EPM2A: variants seen among roughly 807,000 people sequenced by gnomAD.
EPM2A encodes the protein EPM2A glucan phosphatase, laforin, also known as laforin.
Under a neutral mutation model 26.5 loss-of-function variants are expected in EPM2A, and 21 were observed. The ratio of observed to expected loss-of-function variants is 0.79; its 90% CI spans 0.56 to 1.14. The LOEUF (loss-of-function observed/expected upper bound fraction) is 1.14. EPM2A is among the 50% of genes most tolerant of loss of function. EPM2A has a pLI of 0.00. For synonymous variants in EPM2A, 217 were observed against 177.6 expected (o/e 1.22, Z -1.76); for missense variants, 458 against 440.8 (o/e 1.04, Z -0.35).
rs967447743 is a variant in EPM2A, at chr6:145,443,208, T to C, written c.556-59111A>G. ...TTTCTGTTTAGGATTTCTTTGGCTA[T>C]TCAGTCTCTTTTCTGGTTCCATATG... On this transcript the variant is annotated intron_variant, in intron 4 of 4. Transcript: ENST00000638717. 3.6e-4 allele frequency among the ~76,000 whole-genome samples: 55 copies of C among 152,238 alleles called. 2 individuals are homozygous for C.
At chr6:145,425,116 C>CCCTTCCTTCCTTCCTTCCCT (rs1778836638) in intron 4 of EPM2A, among the ~76,000 whole-genome samples, 3 of 131,846 alleles carry the variant, frequency 2.3e-5, no homozygotes, top group Non-Finnish European at 4.9e-5. Flanking sequence ...ATGTAAGTCT[C>CCCTTCCTTCCTTCCTTCCCT]CCTTCCTTCC....
intron 4 of EPM2A, among the ~76,000 whole-genome samples, chr6:145,450,917 T>C (rs761139744): frequency 4.6e-5 from 7 of 151,980 alleles, no homozygotes; most frequent in African/African-American, 9.7e-5. Context: ...TTTTAGGCAG[T>C]TGGGTAAATC....
At chr6:145,407,639 G>C (rs1778587476) in intron 4 of EPM2A, among the ~76,000 whole-genome samples, 4 of 152,070 alleles carry the variant, frequency 2.6e-5, no homozygotes, top group Admixed American at 2.6e-4. Context: ...CTTTTTCAAA[G>C]TTATGAGTCT....
Position 145,703,387 on chromosome 6 carries a change from G to C in EPM2A, c.302-17091C>G, listed in dbSNP as rs117695303. Among the ~76,000 whole-genome samples, 818 of 152,052 alleles carry C rather than the reference G, an allele frequency of 5.4e-3. 42 individuals carry two copies. In the East Asian group the frequency reaches 0.12, roughly 23 times the overall value. ...ATTACAGGTGTGAGCCACCACATGTGACCTTAGATATTCTTTAAAAAAAAA... is the reference window on the plus strand; with the variant it reads ...ATTACAGGTGTGAGCCACCACATGTCACCTTAGATATTCTTTAAAAAAAAA... On this transcript the variant is annotated intron_variant, in intron 1 of 3. Coordinates refer to ENST00000367519, the MANE Select transcript of EPM2A (RefSeq NM_005670.4).
intron 4 of EPM2A, among the ~76,000 whole-genome samples, chr6:145,398,383 C>T (rs1268119013): frequency 7.2e-6 from 1 of 139,490 alleles, no homozygotes; most frequent in Non-Finnish European, 1.6e-5. Context: ...GAATGTTTGT[C>T]TCTTTTTTTT....
At chr6:145,499,100 C>G (rs1412395198), downstream of EPM2A, among the ~76,000 whole-genome samples, 1 of 152,064 alleles carries the variant, frequency 6.6e-6, no homozygotes, top group Admixed American at 6.5e-5. Context: ...TTTAAAAATA[C>G]AAATCTGATT....
At chr6:145,591,220 G>GTA (rs1264120042) in intron 2 of EPM2A, among the ~76,000 whole-genome samples, 4 of 151,910 alleles carry the variant, frequency 2.6e-5, no homozygotes, top group African/African-American at 9.7e-5. Context: ...ATTTCAAAAG[G>GTA]TATAACATAG....
chr6:145,429,304 A>G (rs1305457585), intron 4 of EPM2A, among the ~76,000 whole-genome samples: 1 of 152,148 alleles, frequency 6.6e-6, no homozygotes, highest in East Asian at 1.9e-4. Context: ...ATATTTTAAT[A>G]TATCTATCAA....
chr6:145,584,404 G>A (rs184990306), intron 2 of EPM2A, among the ~76,000 whole-genome samples: 5 of 152,262 alleles, frequency 3.3e-5, no homozygotes, highest in Admixed American at 3.3e-4. Flanking sequence ...AGATGGAACT[G>A]GCCCCATCCC....
intron 2 of EPM2A, among the ~76,000 whole-genome samples, chr6:145,547,122 G>A (rs1292610161): frequency 6.6e-6 from 1 of 152,096 alleles, no homozygotes; most frequent in Non-Finnish European, 1.5e-5. Flanking sequence ...CTTGCTGACA[G>A]CTATAAATAA....
At chr6:145,709,231 AT>A (rs1228256678) in intron 1 of EPM2A, among the ~76,000 whole-genome samples, 10 of 152,236 alleles carry the variant, frequency 6.6e-5, no homozygotes, top group African/African-American at 2.2e-4. Flanking sequence ...GGAAGGCATG[AT>A]TGGTTTTGAA....
intron 2 of EPM2A, among the ~76,000 whole-genome samples, chr6:145,577,963 G>A (rs1781057568): frequency 6.6e-6 from 1 of 152,034 alleles, no homozygotes; most frequent in Non-Finnish European, 1.5e-5. Flanking sequence ...TTGGGACAAT[G>A]AAGAAATGAA....
At chr6:145,683,934 A>G (rs941979593) in intron 2 of EPM2A, among the ~76,000 whole-genome samples, 12 of 152,162 alleles carry the variant, frequency 7.9e-5, no homozygotes, top group Non-Finnish European at 1.5e-4. Context: ...TACCTAAAAC[A>G]ATAATAACAC....
chr6:145,505,691 T>A (rs1487534906), intron 2 of EPM2A, among the ~76,000 whole-genome samples: 1 of 152,180 alleles, frequency 6.6e-6, no homozygotes, highest in Non-Finnish European at 1.5e-5. Flanking sequence ...AACTAGTGTA[T>A]GGATTAATAT....
chr6:145,420,801 C>G (rs1778771292), intron 4 of EPM2A, among the ~76,000 whole-genome samples: 1 of 152,006 alleles, frequency 6.6e-6, no homozygotes, highest in African/African-American at 2.4e-5. Flanking sequence ...TGTGTCATCC[C>G]ATGGCAGAAG....
chr6:145,427,888 C>T (rs547061219), intron 4 of EPM2A, among the ~76,000 whole-genome samples: 61 of 152,212 alleles, frequency 4.0e-4, no homozygotes, highest in African/African-American at 1.3e-3. Context: ...TCACATTTTA[C>T]TTTAAGTGTG....
At chr6:145,627,854 A>C in intron 3 of EPM2A, 161 bp from the exon 4 acceptor site, 1 of 1,017,628 alleles carries the variant, frequency 9.8e-7, no homozygotes, top group Non-Finnish European at 1.4e-6. Context: ...AAGTGAGACC[A>C]TTTTACAATC....
intron 2 of EPM2A, among the ~76,000 whole-genome samples, chr6:145,620,184 C>T (rs761478885): frequency 2.6e-5 from 4 of 152,128 alleles, no homozygotes; most frequent in Non-Finnish European, 4.4e-5. Context: ...GACAGGGAGG[C>T]GAGGGGAGTA....
At chr6:145,608,941 C>T (rs1000041959) in intron 2 of EPM2A, among the ~76,000 whole-genome samples, 1 of 152,134 alleles carries the variant, frequency 6.6e-6, no homozygotes, top group Non-Finnish European at 1.5e-5. Context: ...TAGAAAACTA[C>T]TCAGGAAATT....
Sources: gnomAD v4.1 joint callset for allele counts (sites outside exome capture counted in the v4.1 genomes callset) on GRCh38, gnomAD v4.1.1 for gene constraint, MANE v1.5 for transcripts, NCBI Gene and HGNC (gene_info 2026-07-23, HGNC 2026-07-21) for gene names.